The following ARL9 variants were observed in gnomAD, a reference collection of about 807,000 sequenced individuals.
ARL9 encodes ADP-ribosylation factor-like protein 9.
In ARL9, 14 loss-of-function variants were observed where a neutral mutation model predicts 27.0. The observed-to-expected ratio is 0.52, with a 90% CI of 0.34 to 0.81. The LOEUF (loss-of-function observed/expected upper bound fraction) is 0.81. Among genes scored for constraint, ARL9 ranks in the 30% least tolerant of loss-of-function variants. The pLI, the probability that ARL9 is intolerant of heterozygous loss-of-function variation, is 0.01. For missense variants in ARL9, 294 were observed against 290.0 expected (o/e 1.01, Z -0.10); for synonymous variants, 106 against 108.7 (o/e 0.98, Z 0.15).
At chr4:56,507,018 ACTC>A (rs1198139508) in intron 1 of ARL9, among the ~76,000 whole-genome samples, 1 of 151,486 alleles carries the variant, frequency 6.6e-6, no homozygotes, top group East Asian at 1.9e-4. Flanking sequence ...CTGATCTCAA[ACTC>A]CTGGGCTCCA....
intron 1 of ARL9, among the ~76,000 whole-genome samples, chr4:56,510,750 T>C (rs924517466): frequency 2.0e-5 from 3 of 150,740 alleles, no homozygotes; most frequent in Non-Finnish European, 4.4e-5. Context: ...TCTAGACGTA[T>C]AAAATATTCG....
Position 56,506,786 on chromosome 4 carries a change from TTGTGTGTG to T in ARL9, c.279+685_279+692del, listed in dbSNP as rs138908292. Reference sequence around the variant, plus strand: ...AAACAATTATGAATGATTAACACAGTTGTGTGTGTGTGTGTGTGTGTGTGTGTGTGTGT... The same window carrying T: ...AAACAATTATGAATGATTAACACAGTTGTGTGTGTGTGTGTGTGTGTGTGT... On this transcript the variant is annotated intron_variant, in intron 1 of 3. Coordinates refer to ENST00000640821, the MANE Select transcript of ARL9 (RefSeq NM_001363794.2). 7.4e-3 allele frequency: 1,345 copies of T among 181,626 alleles called. 14 individuals are homozygous for T. The highest frequency in any genetic ancestry group is 0.045 in the African/African-American group (1,201 of 26,682). The allele number at this position is 181,626 out of a possible 1,614,324, so 11.3% of individuals were successfully genotyped here.
In ARL9 at chr4:56,523,865, G is replaced by T. The variant is rs771421840; in HGVS notation, c.787G>T (p.Asp263Tyr). The change falls in exon 4 of 4, where the codon GAT (aspartate) becomes TAT (tyrosine). Residue 263 changes from aspartate (D) to tyrosine (Y), a missense_variant. Transcript: ENST00000640821. ...AKDLIAQLAA[D>Y]VQ ...AGACTTGATTGCACAGCTGGCTGCA[G>T]ATGTGCAGTGACCAGGACTCAGCCC... 6.2e-7 allele frequency: 1 copy of T among 1,613,558 alleles called. No homozygotes were observed. Among genetic ancestry groups the T allele is most frequent in the South Asian group, 1.1e-5 (1 of 91,022 alleles).
At chr4:56,517,915 A>C (rs1721808946) in intron 2 of ARL9, among the ~76,000 whole-genome samples, 1 of 152,216 alleles carries the variant, frequency 6.6e-6, no homozygotes, top group South Asian at 2.1e-4. Flanking sequence ...CAATGAATTC[A>C]GTTCATTTAA....
At chr4:56,510,027 C>A (rs977415463) in intron 1 of ARL9, among the ~76,000 whole-genome samples, 1 of 151,796 alleles carries the variant, frequency 6.6e-6, no homozygotes, top group African/African-American at 2.4e-5. Context: ...TTAATAATTT[C>A]TATAACCTTT....
At chr4:56,521,826 G>C (rs1721927528) in intron 3 of ARL9, among the ~76,000 whole-genome samples, 1 of 151,956 alleles carries the variant, frequency 6.6e-6, no homozygotes, top group Non-Finnish European at 1.5e-5. Flanking sequence ...TCTTATTTCA[G>C]TTGTAGGAGT....
chr4:56,518,518 C>A (rs988215670), intron 2 of ARL9, among the ~76,000 whole-genome samples, 160 bp from the exon 3 acceptor site: 1 of 152,170 alleles, frequency 6.6e-6, no homozygotes, highest in Non-Finnish European at 1.5e-5. Context: ...CGCTAACATG[C>A]CTCTGGTCAC....
At chr4:56,506,245 C>T in intron 1 of ARL9, 104 bp downstream of exon 1, 3 of 1,109,660 alleles carry the variant, frequency 2.7e-6, no homozygotes, top group Non-Finnish European at 3.4e-6. Context: ...CGCGTGGGAG[C>T]GAATGGATCT....
intron 2 of ARL9, among the ~76,000 whole-genome samples, chr4:56,513,431 G>C (rs1020941668): frequency 6.6e-6 from 1 of 152,194 alleles, no homozygotes; most frequent in Non-Finnish European, 1.5e-5. Flanking sequence ...GCACTAAAAA[G>C]TAGTGGCAAA....
intron 2 of ARL9, among the ~76,000 whole-genome samples, chr4:56,516,551 T>A (rs1721769439): frequency 7.4e-6 from 1 of 135,222 alleles, no homozygotes. Flanking sequence ...TGAAAAATAC[T>A]CCACTTGATC....
intron 1 of ARL9, among the ~76,000 whole-genome samples, chr4:56,509,518 G>A (rs1472827656): frequency 1.3e-5 from 2 of 150,846 alleles, no homozygotes; most frequent in Non-Finnish European, 3.0e-5. Flanking sequence ...TTCTTTCTAA[G>A]TTTACTTCAA....
At chr4:56,505,218 T>C, upstream of ARL9, 1 of 325,274 alleles carries the variant, frequency 3.1e-6, no homozygotes, top group Non-Finnish European at 6.2e-6. Context: ...TCTATTTGTC[T>C]TTAATAATCC....
Position 56,523,963 on chromosome 4 carries a change from TA to T in ARL9, c.*92del. 7 of 1,324,776 alleles carry T rather than the reference TA, an allele frequency of 5.3e-6. No homozygotes were observed. Among genetic ancestry groups the T allele is most frequent in the Non-Finnish European group, 7.1e-6 (7 of 983,036 alleles). 82.1% of individuals were successfully genotyped at this position (1,324,776 alleles called of 1,614,324 possible). Reference sequence around the variant, plus strand: ...TGAAGCCAAAGGTTTCCACCTCAAATAAAAATTAAGCCATTTCCTATTTTCT... The same window carrying T: ...TGAAGCCAAAGGTTTCCACCTCAAATAAAATTAAGCCATTTCCTATTTTCT... On this transcript the variant is annotated 3_prime_UTR_variant, in exon 4 of 4. Transcript: ENST00000640821.
chr4:56,517,170 C>T (rs999704067), intron 2 of ARL9, among the ~76,000 whole-genome samples: 1 of 152,158 alleles, frequency 6.6e-6, no homozygotes, highest in African/African-American at 2.4e-5. Context: ...ACAACTCAAA[C>T]GTCCACTGAT....
intron 2 of ARL9, among the ~76,000 whole-genome samples, chr4:56,514,381 C>G (rs914013055): frequency 6.6e-6 from 1 of 152,024 alleles, no homozygotes; most frequent in Non-Finnish European, 1.5e-5. Context: ...GACACAGTAG[C>G]AAAGATCAGC....
intron 2 of ARL9, among the ~76,000 whole-genome samples, chr4:56,515,993 ACT>A (rs1174700413): frequency 1.3e-5 from 2 of 152,186 alleles, no homozygotes; most frequent in Non-Finnish European, 2.9e-5. Context: ...AAGCCAAGAC[ACT>A]CTTGTAGAAA....
At position 56,518,786 on chromosome 4, in the gene ARL9, A is replaced by G; in HGVS notation, c.551A>G (p.Lys184Arg). ...GATCACAGCCGATTACCTGAAGCCA[A>G]GAAATACCTTCATCAGCTAATTGCA... is the stretch of plus-strand genomic sequence containing the variant. Reference protein sequence around the residue: ...SADHSRLPEAKKYLHQLIAAN... With the variant: ...SADHSRLPEARKYLHQLIAAN... The change falls in exon 3 of 4, where the codon AAG becomes AGG. Residue 184 changes from lysine (K) to arginine (R), a missense_variant. Coordinates refer to ENST00000640821, the MANE Select transcript of ARL9 (RefSeq NM_001363794.2). The G allele has an allele frequency of 1.9e-6, 3 of 1,614,044 alleles. No homozygotes were observed. The highest frequency in any genetic ancestry group is 2.5e-6 in the Non-Finnish European group (3 of 1,179,906).
intron 1 of ARL9, chr4:56,506,623 C>T (rs1000692363): frequency 1.0e-6 from 1 of 985,248 alleles, no homozygotes; most frequent in Admixed American, 6.2e-5. Flanking sequence ...TTTCAGACCA[C>T]CAGTACCATG....
At position 56,523,936 on chromosome 4, in the gene ARL9, C is replaced by A. The variant is rs1722007445; in HGVS notation, c.*60C>A. 2.7e-6 allele frequency: 4 copies of A among 1,479,396 alleles called. No homozygotes were observed. The highest frequency in any genetic ancestry group is 3.6e-6 in the Non-Finnish European group (4 of 1,100,056). 91.6% of individuals were successfully genotyped at this position (1,479,396 alleles called of 1,614,324 possible). A position where few individuals can be genotyped will look rare whatever the true frequency, so the allele number is the denominator to read the frequency against. On this transcript the variant is annotated 3_prime_UTR_variant, in exon 4 of 4. Transcript: ENST00000640821. ...GATGTCATCAGTGTTGAATGGCAGG[C>A]TTGAAGCCAAAGGTTTCCACCTCAA... is the stretch of plus-strand genomic sequence containing the variant.
Sources: gnomAD v4.1 joint callset for allele counts (sites outside exome capture counted in the v4.1 genomes callset) on GRCh38, gnomAD v4.1.1 for gene constraint, MANE v1.5 for transcripts, NCBI Gene and HGNC (gene_info 2026-07-23, HGNC 2026-07-21) for gene names.